Variants in AACS observed in about 807,000 individuals in gnomAD.
AACS encodes the protein acetoacetyl-CoA synthetase.
Under a neutral mutation model 83.1 loss-of-function variants are expected in AACS, and 69 were observed. The observed-to-expected ratio is 0.83, with a 90% CI of 0.68 to 1.01. The LOEUF (loss-of-function observed/expected upper bound fraction) is 1.01, where lower values mean the gene tolerates loss of function less well. AACS is among the 50% of genes least tolerant of loss of function. The pLI is 0.00. For synonymous variants in AACS, 333 were observed against 343.4 expected (o/e 0.97, Z 0.33); for missense variants, 866 against 882.2 (o/e 0.98, Z 0.23).
At chr12:125,134,601 C>T (rs938456685) in intron 15 of AACS, among the ~76,000 whole-genome samples, 193 bp from the exon 16 acceptor site, 2 of 152,126 alleles carry the variant, frequency 1.3e-5, no homozygotes, top group African/African-American at 4.8e-5. Context: ...TTCCTGCCTC[C>T]CTCGATGGAA....
chr12:125,134,991 C>A, intron 16 of AACS, 139 bp downstream of exon 16: 1 of 994,864 alleles, frequency 1.0e-6, no homozygotes, highest in Admixed American at 2.1e-5. Flanking sequence ...TGAGCCTGAC[C>A]TCCTTTCCAG....
At chr12:125,128,097 A>G (rs1957273865) in intron 12 of AACS, 64 bp from the exon 13 acceptor site, 2 of 1,264,438 alleles carry the variant, frequency 1.6e-6, no homozygotes, top group East Asian at 4.8e-5. Flanking sequence ...TTTGTTGCTC[A>G]CTAATTTAAC....
chr12:125,108,542 C>A (rs1402591425), intron 8 of AACS, among the ~76,000 whole-genome samples: 1 of 152,208 alleles, frequency 6.6e-6, no homozygotes, highest in Non-Finnish European at 1.5e-5. Context: ...CAGCCCATGA[C>A]ACATGCTTTT....
At chr12:125,095,174 A>C (rs1956580618) in intron 5 of AACS, among the ~76,000 whole-genome samples, 1 of 152,124 alleles carries the variant, frequency 6.6e-6, no homozygotes, top group Non-Finnish European at 1.5e-5. Flanking sequence ...TTTTGTTGCA[A>C]CATGAAAGCT....
intron 1 of AACS, 53 bp downstream of exon 1, chr12:125,065,770 G>A: frequency 6.9e-7 from 1 of 1,451,298 alleles, no homozygotes; most frequent in Non-Finnish European, 9.0e-7. Context: ...GAGCCGTGCA[G>A]GGTGGTTGGG....
Position 125,105,004 on chromosome 12 carries a change from C to T in AACS, c.767+1923C>T, listed in dbSNP as rs1463616907. 1.8e-4 allele frequency: 4 copies of T among 22,104 alleles called. No homozygotes were observed. The South Asian group carries it at 4.5e-3, about 25-fold the overall frequency. The allele number at this position is 22,104 out of a possible 1,614,324, so 1.4% of individuals were successfully genotyped here. A position where few individuals can be genotyped will look rare whatever the true frequency, so the allele number is the denominator to read the frequency against. ...ATGGGAAAGCAGGAGTGGAGGGGGT[C>T]GGGGGGCGGGGTGCCACACACTTTT... On this transcript the variant is annotated intron_variant, in intron 7 of 17. Coordinates refer to ENST00000316519, the MANE Select transcript of AACS (RefSeq NM_023928.5).
At chr12:125,134,987 T>C in intron 16 of AACS, 135 bp downstream of exon 16, 1 of 1,013,838 alleles carries the variant, frequency 9.9e-7, no homozygotes, top group Non-Finnish European at 1.5e-6. Flanking sequence ...TTTGTGAGCC[T>C]GACCTCCTTT....
At chr12:125,137,955 G>C (rs1203579760) in intron 17 of AACS, among the ~76,000 whole-genome samples, 1 of 152,186 alleles carries the variant, frequency 6.6e-6, no homozygotes, top group Non-Finnish European at 1.5e-5. Flanking sequence ...CTGCTTCCTG[G>C]AGAATGTTGA....
At chr12:125,134,670 G>A in intron 15 of AACS, 124 bp from the exon 16 acceptor site, 2 of 994,590 alleles carry the variant, frequency 2.0e-6, no homozygotes, top group Non-Finnish European at 3.1e-6. Context: ...GGGGAGCGGA[G>A]TGTCCGTGAC....
In AACS at chr12:125,134,215, A is replaced by G. The variant is rs2136138374; in HGVS notation, c.1619+143A>G. 3.6e-6 allele frequency: 3 copies of G among 844,398 alleles called. No homozygotes were observed. In the East Asian group the frequency reaches 8.0e-5, roughly 22 times the overall value. 52.3% of individuals were successfully genotyped at this position (844,398 alleles called of 1,614,324 possible). On this transcript the variant is annotated intron_variant, in intron 15 of 17. Coordinates refer to ENST00000316519, the MANE Select transcript of AACS (RefSeq NM_023928.5). ...ACTCCAGCACCAGGGTGTCCACACCACCCACACCTCTGCTGGTGTCTGGGA... is the reference window on the plus strand; with the variant it reads ...ACTCCAGCACCAGGGTGTCCACACCGCCCACACCTCTGCTGGTGTCTGGGA...
rs370831721 is a variant in AACS at position 125,124,991 on chromosome 12, A to C, written c.1276A>C (p.Ile426Leu). The change falls in exon 12 of 18, where the codon ATC (isoleucine) becomes CTC (leucine). Residue 426 changes from isoleucine (I) to leucine (L), a missense_variant. Coordinates refer to ENST00000316519, the MANE Select transcript of AACS (RefSeq NM_023928.5). Reference protein sequence around the residue: ...AQSYEYVYRCIKSSILLGSIS... With the variant: ...AQSYEYVYRCLKSSILLGSIS... ...GAGCTACGAGTATGTCTACAGGTGC[A>C]TCAAGAGCAGCATCCTCCTGGGCTC... 13 of 1,614,168 alleles carry C rather than the reference A, an allele frequency of 8.1e-6. No individual in the cohort carries two copies. In the East Asian group the frequency reaches 2.9e-4, roughly 36 times the overall value.
intron 4 of AACS, among the ~76,000 whole-genome samples, 156 bp from the exon 5 acceptor site, chr12:125,091,270 C>T (rs570214916): frequency 1.4e-4 from 21 of 152,152 alleles, no homozygotes; most frequent in African/African-American, 3.6e-4. Flanking sequence ...TGGCAGCAGG[C>T]GATTCATCTG....
intron 4 of AACS, 139 bp downstream of exon 4, chr12:125,086,582 C>A: frequency 2.7e-6 from 2 of 733,034 alleles, no homozygotes; most frequent in Non-Finnish European, 4.5e-6. Context: ...ACTCTACATG[C>A]AAGGAGAAAA....
At chr12:125,124,363 G>T in intron 10 of AACS, 2 of 259,860 alleles carry the variant, frequency 7.7e-6, no homozygotes, top group Admixed American at 9.7e-5. Flanking sequence ...GATAGAATTT[G>T]AGGGGACTTG....
chr12:125,119,590 C>CT (rs1957119209), intron 10 of AACS, among the ~76,000 whole-genome samples: 1 of 152,192 alleles, frequency 6.6e-6, no homozygotes, highest in Non-Finnish European at 1.5e-5. Flanking sequence ...GGAGAACTGT[C>CT]CTTTATAAAA....
At chr12:125,132,784 T>C (rs1226340044) in intron 14 of AACS, among the ~76,000 whole-genome samples, 1 of 152,204 alleles carries the variant, frequency 6.6e-6, no homozygotes. Flanking sequence ...ACAGTCCCCT[T>C]GGCCTTCGTC....
chr12:125,130,328 A>C lies in AACS; in HGVS notation c.1549+868A>C, dbSNP rs1957313134. On this transcript the variant is annotated intron_variant, in intron 14 of 17. Coordinates refer to ENST00000316519, the MANE Select transcript of AACS (RefSeq NM_023928.5). This position sits in a 1 kb window ranked among gnomAD's most constrained non-coding sequence, Gnocchi z 4.9. ...TGGGGCATCCCCCCAGGGGTGGCTC[A>C]GCCTCCACTGCATACCTGCTGCACC... Among the ~76,000 whole-genome samples, 1 of 152,258 alleles carries C rather than the reference A, an allele frequency of 6.6e-6. No homozygotes were observed. Among genetic ancestry groups the C allele is most frequent in the African/African-American group, 2.4e-5 (1 of 41,476 alleles).
chr12:125,111,006 A>T (rs1230872980), intron 8 of AACS, among the ~76,000 whole-genome samples: 2 of 152,002 alleles, frequency 1.3e-5, no homozygotes, highest in Non-Finnish European at 2.9e-5. Flanking sequence ...CTGTCCACGC[A>T]CAGCAGGTTA....
At chr12:125,105,985 G>C (rs999304144) in intron 7 of AACS, among the ~76,000 whole-genome samples, 3 of 152,152 alleles carry the variant, frequency 2.0e-5, no homozygotes, top group African/African-American at 7.2e-5. Flanking sequence ...GGCTTTGTTT[G>C]TTTCTTGCTT....
Sources: allele counts gnomAD v4.1 joint callset (sites outside exome capture counted in the v4.1 genomes callset), GRCh38; gene constraint gnomAD v4.1.1; non-coding constraint Gnocchi (gnomAD v3.1); transcripts MANE v1.5; gene names NCBI Gene and HGNC (gene_info 2026-07-23, HGNC 2026-07-21).